Variants in CPNE4 observed in about 807,000 individuals in gnomAD.
CPNE4 encodes the protein copine-4.
A neutral mutation model predicts 67.9 loss-of-function variants in CPNE4; 25 were observed. The observed-to-expected ratio is 0.37, with a 90% CI of 0.27 to 0.51. The LOEUF (loss-of-function observed/expected upper bound fraction) is 0.51. Ranked by LOEUF, CPNE4 falls within the 20% of genes least tolerant of loss-of-function variation. The pLI is 0.93. For synonymous variants in CPNE4, 242 were observed against 244.9 expected (o/e 0.99, Z 0.11); for missense variants, 464 against 690.8 (o/e 0.67, Z 3.68).
At chr3:131,782,810 A>C (rs568905954) in intron 2 of CPNE4, among the ~76,000 whole-genome samples, 32 of 152,232 alleles carry the variant, frequency 2.1e-4, no homozygotes, top group Non-Finnish European at 4.4e-5. Flanking sequence ...ATCTCTTCTC[A>C]GTGAAGTGAG....
intron 8 of CPNE4, among the ~76,000 whole-genome samples, chr3:131,586,027 T>C (rs1159550980): frequency 1.3e-5 from 2 of 152,084 alleles, no homozygotes; most frequent in African/African-American, 4.8e-5. Context: ...TCAGATTAAG[T>C]TTCTGACTCT....
intron 1 of CPNE4, among the ~76,000 whole-genome samples, chr3:131,995,207 C>G (rs1168573711): frequency 2.0e-5 from 3 of 152,124 alleles, no homozygotes; most frequent in Non-Finnish European, 4.4e-5. Context: ...CACACACTCT[C>G]ACACACTCAC....
In CPNE4 at chr3:132,015,818, A is replaced by G. The variant is rs559413438; in HGVS notation, c.-2+18749T>C. 1.6e-4 allele frequency among the ~76,000 whole-genome samples: 25 copies of G among 152,342 alleles called. 1 individual carries two copies. The highest frequency in any genetic ancestry group is 2.8e-4 in the Non-Finnish European group (19 of 68,032). ...GGAATAAACAGAATCTTCAACTTCT[A>G]CAGCTAGGCTGAAAACACAGCATCT... On this transcript the variant is annotated intron_variant, in intron 1 of 15. Transcript: ENST00000429747.
At chr3:131,870,364 C>T (rs894779913) in intron 2 of CPNE4, among the ~76,000 whole-genome samples, 6 of 152,128 alleles carry the variant, frequency 3.9e-5, no homozygotes, top group African/African-American at 1.4e-4. Flanking sequence ...CCGGTCTTGT[C>T]GACAGAAGCC....
intron 2 of CPNE4, among the ~76,000 whole-genome samples, chr3:131,881,114 T>C (rs1334855014): frequency 6.6e-6 from 1 of 152,266 alleles, no homozygotes; most frequent in East Asian, 1.9e-4. Flanking sequence ...ATCCCCATGA[T>C]GAAGAAAGAC....
At chr3:131,979,564 A>G (rs557168993) in intron 1 of CPNE4, among the ~76,000 whole-genome samples, 1 of 152,232 alleles carries the variant, frequency 6.6e-6, no homozygotes, top group East Asian at 1.9e-4. Flanking sequence ...CTTTAAACTT[A>G]TGTGAGGCCT....
At chr3:131,614,248 T>C (rs1484974327) in intron 7 of CPNE4, among the ~76,000 whole-genome samples, 2 of 152,234 alleles carry the variant, frequency 1.3e-5, no homozygotes, top group South Asian at 2.1e-4. Context: ...ATGTGCTCAG[T>C]AGGCTGTTAG....
intron 11 of CPNE4, among the ~76,000 whole-genome samples, chr3:131,562,198 G>C (rs1936809712): frequency 6.6e-6 from 1 of 151,916 alleles, no homozygotes; most frequent in African/African-American, 2.4e-5. Flanking sequence ...ACTTTGTCTG[G>C]CTCACAAAGG....
At chr3:131,860,245 G>A (rs1463633627) in intron 2 of CPNE4, among the ~76,000 whole-genome samples, 8 of 152,110 alleles carry the variant, frequency 5.3e-5, no homozygotes, top group South Asian at 4.1e-4. Context: ...AAGCTAATCC[G>A]CCAGAGTTAG....
At chr3:131,921,718 A>G (rs1048639566) in intron 1 of CPNE4, among the ~76,000 whole-genome samples, 1 of 152,192 alleles carries the variant, frequency 6.6e-6, no homozygotes, top group Non-Finnish European at 1.5e-5. Flanking sequence ...CAATGCAGAT[A>G]TAGAGCATAG....
intron 2 of CPNE4, among the ~76,000 whole-genome samples, chr3:131,776,136 T>A (rs1460561082): frequency 6.6e-6 from 1 of 152,152 alleles, no homozygotes; most frequent in African/African-American, 2.4e-5. Context: ...TTGGTCATTC[T>A]CTCACTCCCA....
chr3:131,989,555 A>G (rs1281200594), intron 1 of CPNE4, among the ~76,000 whole-genome samples: 2 of 152,162 alleles, frequency 1.3e-5, no homozygotes, highest in African/African-American at 4.8e-5. Flanking sequence ...TACCAGGAAA[A>G]CAGATATGAG....
At chr3:131,543,030 C>G (rs1478641252) in intron 14 of CPNE4, 4 of 478,986 alleles carry the variant, frequency 8.4e-6, no homozygotes, top group South Asian at 5.6e-5. Flanking sequence ...CTGACAGTTA[C>G]AAAGAAAGAG....
At chr3:131,800,658 C>A (rs1009417271) in intron 2 of CPNE4, among the ~76,000 whole-genome samples, 5 of 151,978 alleles carry the variant, frequency 3.3e-5, no homozygotes, top group Non-Finnish European at 5.9e-5. Context: ...GGGTGGAGAT[C>A]ATTCAAAAAA....
intron 2 of CPNE4, among the ~76,000 whole-genome samples, chr3:131,814,372 A>G (rs1218129471): frequency 6.6e-6 from 1 of 151,976 alleles, no homozygotes; most frequent in African/African-American, 2.4e-5. Context: ...AGGGTCTTTC[A>G]TGGTCTGGAA....
intron 2 of CPNE4, among the ~76,000 whole-genome samples, chr3:131,801,416 G>GTGTGTA (rs1491374448): frequency 0.052 from 1,502 of 28,750 alleles, 57 homozygotes; most frequent in East Asian, 0.29. Context: ...ACATATATAC[G>GTGTGTA]TGTGTGTGTG....
chr3:131,978,228 C>CATATTTATATATATTTATATAAATATAT (rs2072750136), intron 1 of CPNE4, among the ~76,000 whole-genome samples: 1 of 10,014 alleles, frequency 1.0e-4, no homozygotes, highest in Admixed American at 2.9e-3. Flanking sequence ...AATAAATTTA[C>CATATTTATATATATTTATATAAATATAT]ATATTTATAT....
At chr3:131,681,073 G>C (rs1407819817) in intron 6 of CPNE4, among the ~76,000 whole-genome samples, 1 of 152,184 alleles carries the variant, frequency 6.6e-6, no homozygotes, top group Non-Finnish European at 1.5e-5. Flanking sequence ...TTGACTGATA[G>C]ACATTTGGGC....
At chr3:131,743,905 G>A (rs1006456123) in intron 2 of CPNE4, among the ~76,000 whole-genome samples, 10 of 131,844 alleles carry the variant, frequency 7.6e-5, no homozygotes, top group Non-Finnish European at 1.5e-4. Flanking sequence ...GGAGCTTGCA[G>A]TGAGCCGAGA....
Sources: allele counts gnomAD v4.1 joint callset (sites outside exome capture counted in the v4.1 genomes callset), GRCh38; gene constraint gnomAD v4.1.1; transcripts MANE v1.5; gene names NCBI Gene and HGNC (gene_info 2026-07-23, HGNC 2026-07-21).